PDGFRL: variants seen among roughly 807,000 people sequenced by gnomAD.
PDGFRL encodes the protein platelet-derived growth factor receptor-like protein.
In PDGFRL, 46 loss-of-function variants were observed where a neutral mutation model predicts 37.2. That is an observed-to-expected ratio of 1.24 (90% CI 0.98 to 1.58). PDGFRL has a LOEUF of 1.58. PDGFRL is among the 40% of genes most tolerant of loss of function. The pLI is 0.00. For synonymous variants in PDGFRL, 251 were observed against 184.3 expected (o/e 1.36, Z -2.93); for missense variants, 692 against 467.6 (o/e 1.48, Z -4.43).
intron 2 of PDGFRL, among the ~76,000 whole-genome samples, chr8:17,617,473 G>C (rs1249505670): frequency 6.6e-6 from 1 of 152,156 alleles, no homozygotes; most frequent in Non-Finnish European, 1.5e-5. Flanking sequence ...GAAGGGCTCA[G>C]GGAATCCTTG....
intron 5 of PDGFRL, among the ~76,000 whole-genome samples, chr8:17,637,958 T>A (rs1805005982): frequency 6.6e-6 from 1 of 152,158 alleles, no homozygotes; most frequent in Non-Finnish European, 1.5e-5. Context: ...TCTTCTTGGT[T>A]AATTTTGTTA....
intron 3 of PDGFRL, among the ~76,000 whole-genome samples, chr8:17,628,255 A>T (rs1025622523): frequency 6.6e-6 from 1 of 151,396 alleles, no homozygotes; most frequent in South Asian, 2.1e-4. Context: ...CAGCCTCCCA[A>T]AGTGCTGGGA....
intron 3 of PDGFRL, among the ~76,000 whole-genome samples, chr8:17,625,233 C>A (rs1307614661): frequency 6.8e-6 from 1 of 147,028 alleles, no homozygotes; most frequent in Non-Finnish European, 1.5e-5. Context: ...CTCACTGCAA[C>A]CTCCGACTCC....
At chr8:17,627,988 T>TG (rs1804767663) in intron 3 of PDGFRL, among the ~76,000 whole-genome samples, 1 of 128,702 alleles carries the variant, frequency 7.8e-6, no homozygotes. Flanking sequence ...TTTCTTTCTT[T>TG]CTTTTTTTTT....
At chr8:17,583,562 G>A (rs1229227536) in intron 1 of PDGFRL, among the ~76,000 whole-genome samples, 3 of 152,092 alleles carry the variant, frequency 2.0e-5, no homozygotes, top group Admixed American at 1.3e-4. Context: ...GAGTTTTGGG[G>A]GGCCAGAGGT....
At chr8:17,600,045 C>T (rs2150820458) in intron 2 of PDGFRL, among the ~76,000 whole-genome samples, 1 of 152,294 alleles carries the variant, frequency 6.6e-6, no homozygotes, top group Non-Finnish European at 1.5e-5. Context: ...ACCCTGCAGC[C>T]ATCTTCCTCT....
At chr8:17,601,630 T>C (rs2129660863) in intron 2 of PDGFRL, among the ~76,000 whole-genome samples, 1 of 152,248 alleles carries the variant, frequency 6.6e-6, no homozygotes. Flanking sequence ...ACCCTCCACC[T>C]TCAAGTGGGC....
At chr8:17,611,234 G>T (rs964787980) in intron 2 of PDGFRL, among the ~76,000 whole-genome samples, 1 of 152,156 alleles carries the variant, frequency 6.6e-6, no homozygotes, top group Non-Finnish European at 1.5e-5. Flanking sequence ...TCTCAGTTCT[G>T]AAAGTACTCT....
chr8:17,578,537 A>G (rs1034894800), intron 1 of PDGFRL, among the ~76,000 whole-genome samples: 2 of 152,220 alleles, frequency 1.3e-5, no homozygotes, highest in Non-Finnish European at 1.5e-5. Flanking sequence ...GTAAAATGCA[A>G]TATTAAAATG....
At chr8:17,579,992 T>C (rs1414754607) in intron 1 of PDGFRL, among the ~76,000 whole-genome samples, 1 of 152,180 alleles carries the variant, frequency 6.6e-6, no homozygotes, top group Non-Finnish European at 1.5e-5. Context: ...TATTTTCACA[T>C]TGAAAAGTAT....
chr8:17,611,459 T>C (rs996451483), intron 2 of PDGFRL, among the ~76,000 whole-genome samples: 2 of 152,132 alleles, frequency 1.3e-5, no homozygotes, highest in African/African-American at 4.8e-5. Flanking sequence ...TTAACCGCCC[T>C]TTTACAAAGG....
intron 5 of PDGFRL, among the ~76,000 whole-genome samples, chr8:17,641,635 G>A (rs867566396): frequency 6.6e-6 from 1 of 152,286 alleles, no homozygotes; most frequent in Middle Eastern, 3.4e-3. Context: ...AAAAGCAATT[G>A]CAGCGTATTT....
At chr8:17,578,185 C>T (rs187914692) in intron 1 of PDGFRL, among the ~76,000 whole-genome samples, 3 of 152,198 alleles carry the variant, frequency 2.0e-5, no homozygotes, top group East Asian at 1.9e-4. Context: ...TCCTGGTGTC[C>T]TCAACCCTCT....
intron 4 of PDGFRL, among the ~76,000 whole-genome samples, chr8:17,629,613 G>A (rs1016414073): frequency 1.3e-5 from 2 of 151,914 alleles, no homozygotes; most frequent in East Asian, 1.9e-4. Flanking sequence ...TGCATTCATC[G>A]AACATTTTGG....
chr8:17,582,094 G>T (rs1803719661), intron 1 of PDGFRL, among the ~76,000 whole-genome samples: 1 of 152,146 alleles, frequency 6.6e-6, no homozygotes, highest in Non-Finnish European at 1.5e-5. Context: ...ATGCTGACAA[G>T]GTCTGAAATG....
rs1803888302 is a variant in PDGFRL at position 17,589,563 on chromosome 8, A to G, written c.151A>G (p.Lys51Glu). 5.0e-6 allele frequency: 8 copies of G among 1,613,438 alleles called. No homozygotes were observed. Among genetic ancestry groups the G allele is most frequent in the Non-Finnish European group, 6.8e-6 (8 of 1,179,458 alleles). ...TNKKVKPKIP[K>E]MKDRDSANSA... ...CAAGAAGGTGAAGCCCAAAATTCCT[A>G]AAATGAAGGACAGGGACTCAGCCAA... The change falls in exon 2 of 6, where the codon AAA becomes GAA. Residue 51 changes from lysine to glutamate, a missense_variant. Transcript: ENST00000251630.
intron 3 of PDGFRL, among the ~76,000 whole-genome samples, chr8:17,623,483 G>A (rs1342253541): frequency 6.6e-6 from 1 of 152,202 alleles, no homozygotes; most frequent in Non-Finnish European, 1.5e-5. Context: ...AGTTGCAGAA[G>A]GAAGATTCTT....
intron 5 of PDGFRL, among the ~76,000 whole-genome samples, chr8:17,637,149 T>C (rs1177560269): frequency 1.3e-5 from 2 of 152,200 alleles, no homozygotes; most frequent in African/African-American, 2.4e-5. Flanking sequence ...TCCAGTACTA[T>C]GTTGAATGCA....
At chr8:17,618,690 C>G (rs544253850) in intron 2 of PDGFRL, among the ~76,000 whole-genome samples, 5 of 152,294 alleles carry the variant, frequency 3.3e-5, no homozygotes, top group African/African-American at 4.8e-5. Flanking sequence ...CAGATTCTTT[C>G]CTTTTCCATC....
Sources: gnomAD v4.1 joint callset for allele counts (sites outside exome capture counted in the v4.1 genomes callset) on GRCh38, gnomAD v4.1.1 for gene constraint, MANE v1.5 for transcripts, NCBI Gene and HGNC (gene_info 2026-07-23, HGNC 2026-07-21) for gene names.